SPPL3: variants seen among roughly 807,000 people sequenced by gnomAD.
The protein encoded by SPPL3 is signal peptide peptidase like 3, also known as signal peptide peptidase-like 3.
A neutral mutation model predicts 42.4 loss-of-function variants in SPPL3; 5 were observed. The observed-to-expected ratio is 0.12, with a 90% CI of 0.06 to 0.25. The LOEUF (loss-of-function observed/expected upper bound fraction) is 0.25. Among genes scored for constraint, SPPL3 ranks in the 10% least tolerant of loss-of-function variants. SPPL3 has a pLI of 1.00. For synonymous variants in SPPL3, 195 were observed against 181.8 expected, an observed-to-expected ratio of 1.07 and a Z score of -0.58; for missense variants, 235 against 489.0, an observed-to-expected ratio of 0.48 and a Z score of 4.90.
chr12:120,773,804 A>G (rs1869210794), intron 6 of SPPL3, among the ~76,000 whole-genome samples: 1 of 152,200 alleles, frequency 6.6e-6, no homozygotes, highest in Non-Finnish European at 1.5e-5. Flanking sequence ...GGGTTTCACC[A>G]TATTGGTCAG....
chr12:120,791,604 G>C (rs753159572), intron 2 of SPPL3, 47 bp from the exon 3 acceptor site: 1 of 1,312,010 alleles, frequency 7.6e-7, no homozygotes, highest in Non-Finnish European at 1.1e-6. Context: ...GCTTACAAAA[G>C]AAGGTCAGAA....
chr12:120,776,598 C>T (rs1869330177), intron 6 of SPPL3, among the ~76,000 whole-genome samples: 1 of 151,750 alleles, frequency 6.6e-6, no homozygotes, highest in East Asian at 1.9e-4. Context: ...TGGTAACATA[C>T]TATTAGTAAA....
intron 1 of SPPL3, among the ~76,000 whole-genome samples, chr12:120,899,354 G>C (rs1034414268): frequency 2.6e-5 from 4 of 152,106 alleles, no homozygotes; most frequent in African/African-American, 9.7e-5. Context: ...TTTTCACTCA[G>C]TAGCATCCTC....
chr12:120,878,857 T>C (rs1319685604), intron 1 of SPPL3, among the ~76,000 whole-genome samples: 3 of 152,022 alleles, frequency 2.0e-5, no homozygotes, highest in South Asian at 2.1e-4. Flanking sequence ...CTCATACCCG[T>C]AATCCCAGCA....
chr12:120,767,323 A>C (rs1032566461), intron 9 of SPPL3, 71 bp downstream of exon 9: 1 of 1,494,292 alleles, frequency 6.7e-7, no homozygotes, highest in African/African-American at 1.4e-5. Flanking sequence ...TAGCTAGAAG[A>C]CCTGATTTAA....
intron 1 of SPPL3, among the ~76,000 whole-genome samples, chr12:120,902,945 T>C (rs1319118198): frequency 6.6e-6 from 1 of 152,156 alleles, no homozygotes; most frequent in Non-Finnish European, 1.5e-5. Context: ...CTCATGTTCC[T>C]TCCCCCAAAC....
chr12:120,766,097 C>T (rs571617790), intron 10 of SPPL3, among the ~76,000 whole-genome samples, 166 bp downstream of exon 10: 35 of 77,852 alleles, frequency 4.5e-4, no homozygotes, highest in African/African-American at 1.2e-3. Context: ...GTAGCGCGCG[C>T]GCGCACACAC....
intron 1 of SPPL3, among the ~76,000 whole-genome samples, chr12:120,901,591 A>T (rs1006897147): frequency 1.2e-3 from 4 of 3,308 alleles, no homozygotes; most frequent in Admixed American, 0.014. Context: ...ACTCCGTCCT[A>T]AAAAAAAAAA....
intron 1 of SPPL3, among the ~76,000 whole-genome samples, chr12:120,900,846 T>C (rs1566074140): frequency 6.9e-6 from 1 of 144,522 alleles, no homozygotes; most frequent in Non-Finnish European, 1.5e-5. Flanking sequence ...TGTCTGAACC[T>C]GGGAGGCAGA....
At chr12:120,794,893 T>C (rs1566043932) in intron 2 of SPPL3, among the ~76,000 whole-genome samples, 1 of 152,154 alleles carries the variant, frequency 6.6e-6, no homozygotes, top group Non-Finnish European at 1.5e-5. Context: ...GCTATAACTC[T>C]TTGCTCTTTA....
intron 1 of SPPL3, among the ~76,000 whole-genome samples, chr12:120,896,709 G>A (rs892960833): frequency 1.4e-4 from 21 of 151,990 alleles, no homozygotes; most frequent in African/African-American, 4.8e-4. Context: ...AACCTGGGAG[G>A]TGGAGGTAGC....
chr12:120,773,172 C>G (rs1160410089), intron 6 of SPPL3, among the ~76,000 whole-genome samples: 1 of 152,138 alleles, frequency 6.6e-6, no homozygotes, highest in Non-Finnish European at 1.5e-5. Flanking sequence ...TCAACTCACA[C>G]GCATATTTGA....
chr12:120,807,776 A>C (rs1402358536), intron 2 of SPPL3, among the ~76,000 whole-genome samples: 2 of 152,174 alleles, frequency 1.3e-5, no homozygotes, highest in African/African-American at 4.8e-5. Context: ...CACAAAGAGA[A>C]GCCCAACTGT....
At chr12:120,900,896 T>C (rs1359288014) in intron 1 of SPPL3, among the ~76,000 whole-genome samples, 3 of 129,224 alleles carry the variant, frequency 2.3e-5, no homozygotes, top group Admixed American at 8.9e-5. Flanking sequence ...CATTCCAGCC[T>C]GGGCGAAAGA....
At chr12:120,773,905 T>C (rs750972824) in intron 6 of SPPL3, among the ~76,000 whole-genome samples, 41 of 152,194 alleles carry the variant, frequency 2.7e-4, no homozygotes, top group Non-Finnish European at 4.6e-4. Flanking sequence ...CGTCTGGCCC[T>C]TCCTGAACTT....
intron 1 of SPPL3, among the ~76,000 whole-genome samples, chr12:120,855,943 A>G (rs980836042): frequency 2.0e-5 from 3 of 152,156 alleles, no homozygotes; most frequent in Admixed American, 6.5e-5. Flanking sequence ...GCAATTCTGA[A>G]AAGGCCCAGG....
chr12:120,825,598 G>A (rs1340621849), intron 1 of SPPL3, among the ~76,000 whole-genome samples: 2 of 152,190 alleles, frequency 1.3e-5, no homozygotes, highest in African/African-American at 4.8e-5. Flanking sequence ...GAGACTCACT[G>A]CAAGATCAGC....
chr12:120,882,213 C>T (rs939360101), intron 1 of SPPL3, among the ~76,000 whole-genome samples: 4 of 152,058 alleles, frequency 2.6e-5, no homozygotes, highest in African/African-American at 4.8e-5. Context: ...ATTGAATAAA[C>T]AGTATATACA....
intron 1 of SPPL3, among the ~76,000 whole-genome samples, chr12:120,813,573 G>A (rs1342990155): frequency 1.3e-5 from 2 of 151,684 alleles, no homozygotes; most frequent in East Asian, 3.9e-4. Context: ...CACCCGCCTC[G>A]GCCTCTCAAA....
Sources: gnomAD v4.1 joint callset for allele counts (sites outside exome capture counted in the v4.1 genomes callset) on GRCh38, gnomAD v4.1.1 for gene constraint, MANE v1.5 for transcripts, NCBI Gene and HGNC (gene_info 2026-07-23, HGNC 2026-07-21) for gene names.